Variants in RALYL observed in about 807,000 individuals in gnomAD.
RALYL encodes RALY RNA binding protein like, also known as RNA-binding Raly-like protein.
RALYL carries 29 observed loss-of-function variants against 35.1 expected under a neutral mutation model. The ratio of observed to expected loss-of-function variants is 0.83; its 90% CI spans 0.61 to 1.13. RALYL has a LOEUF of 1.13. Among genes scored for constraint, RALYL ranks in the 50% most tolerant of loss-of-function variants. RALYL has a pLI of 0.00. For missense variants in RALYL, 359 were observed against 360.4 expected (o/e 1.00, Z 0.03); for synonymous variants, 120 against 127.6 (o/e 0.94, Z 0.40).
At chr8:84,432,572 T>C (rs558895485) in intron 1 of RALYL, among the ~76,000 whole-genome samples, 1 of 152,236 alleles carries the variant, frequency 6.6e-6, no homozygotes, top group South Asian at 2.1e-4. Context: ...CCCAGAATGA[T>C]ATGTTGCAGC....
At chr8:84,764,181 C>T (rs183642774) in intron 2 of RALYL, among the ~76,000 whole-genome samples, 11 of 152,274 alleles carry the variant, frequency 7.2e-5, no homozygotes, top group Admixed American at 6.5e-4. Context: ...CAGTGTACTG[C>T]CATGTTCCCA....
chr8:84,765,967 C>T (rs1158120338), intron 2 of RALYL, among the ~76,000 whole-genome samples: 3 of 152,008 alleles, frequency 2.0e-5, no homozygotes, highest in African/African-American at 2.4e-5. Context: ...AAATTAGATA[C>T]CATTTCCATA....
chr8:84,573,662 C>G (rs1383558690), intron 2 of RALYL, among the ~76,000 whole-genome samples: 3 of 151,774 alleles, frequency 2.0e-5, no homozygotes, highest in African/African-American at 7.2e-5. Flanking sequence ...GTATGTTTAA[C>G]ATCTTGATAT....
At chr8:84,730,261 T>A (rs1845892861) in intron 2 of RALYL, among the ~76,000 whole-genome samples, 1 of 152,056 alleles carries the variant, frequency 6.6e-6, no homozygotes, top group South Asian at 2.1e-4. Flanking sequence ...ATCCAGCATA[T>A]AAATAGAACC....
chr8:84,372,127 G>C (rs1318972015), intron 1 of RALYL, among the ~76,000 whole-genome samples: 1 of 152,072 alleles, frequency 6.6e-6, no homozygotes, highest in Non-Finnish European at 1.5e-5. Flanking sequence ...AAGAAAGAGG[G>C]ATAAATGTTA....
At chr8:84,543,904 A>G (rs1354812337) in intron 2 of RALYL, among the ~76,000 whole-genome samples, 1 of 152,110 alleles carries the variant, frequency 6.6e-6, no homozygotes, top group East Asian at 1.9e-4. Context: ...TTACAGTGAC[A>G]TCGATCAGCA....
At chr8:84,727,667 C>T (rs1254406803) in intron 2 of RALYL, among the ~76,000 whole-genome samples, 2 of 145,780 alleles carry the variant, frequency 1.4e-5, no homozygotes, top group Non-Finnish European at 3.0e-5. Flanking sequence ...GTTCCCCTTC[C>T]TGTGTCCATG....
chr8:84,897,721 T>G (rs1463074559), intron 8 of RALYL, among the ~76,000 whole-genome samples: 2 of 152,212 alleles, frequency 1.3e-5, no homozygotes, highest in East Asian at 3.8e-4. Context: ...CCCAGACACT[T>G]ATTCATTAAA....
intron 2 of RALYL, among the ~76,000 whole-genome samples, chr8:84,733,706 C>T (rs896467294): frequency 1.3e-5 from 2 of 152,114 alleles, no homozygotes; most frequent in African/African-American, 4.8e-5. Context: ...GTAATAATAA[C>T]AGGATTTACA....
At chr8:84,647,053 T>C (rs1827647603) in intron 2 of RALYL, among the ~76,000 whole-genome samples, 1 of 152,126 alleles carries the variant, frequency 6.6e-6, no homozygotes, top group East Asian at 1.9e-4. Context: ...TGGTTTTGTT[T>C]GTTCCCCTTG....
At chr8:84,211,054 G>C (rs987741073) in intron 1 of RALYL, among the ~76,000 whole-genome samples, 1 of 152,042 alleles carries the variant, frequency 6.6e-6, no homozygotes. Context: ...AATACCAACT[G>C]TGTGCAGATA....
intron 2 of RALYL, among the ~76,000 whole-genome samples, chr8:84,672,875 C>A (rs996764056): frequency 1.3e-5 from 2 of 152,118 alleles, no homozygotes; most frequent in Non-Finnish European, 2.9e-5. Context: ...CACAACCAAA[C>A]CATATCAACC....
At chr8:84,802,071 A>G (rs1386100344) in intron 3 of RALYL, among the ~76,000 whole-genome samples, 1 of 152,176 alleles carries the variant, frequency 6.6e-6, no homozygotes, top group Non-Finnish European at 1.5e-5. Context: ...CACATAGCAA[A>G]TATTTTAGGA....
Position 84,774,622 on chromosome 8 carries a change from T to C in RALYL, c.300T>C (p.Pro100=). The C allele has an allele frequency of 6.2e-7, 1 of 1,609,580 alleles. No individual in the cohort carries two copies. Among genetic ancestry groups the C allele is most frequent in the Non-Finnish European group, 8.5e-7 (1 of 1,177,642 alleles). ...AGCCCAAACCATACAGACCAAAACC[T>C]GGAAACAAGAGGCCCCTTTCTGCAC... ...AGEPKPYRPK[P]GNKRPLSALY... is the part of the protein sequence containing the mutation. Residue 100 remains proline (P), a synonymous_variant, in exon 3 of 9, where the codon CCT becomes CCC. Coordinates refer to ENST00000521268, the MANE Select transcript of RALYL (RefSeq NM_173848.7).
intron 1 of RALYL, among the ~76,000 whole-genome samples, chr8:84,390,828 C>G (rs192732613): frequency 1.3e-5 from 2 of 151,858 alleles, no homozygotes; most frequent in African/African-American, 2.4e-5. Context: ...GTAGTTCCTC[C>G]CAGTCCACTG....
intron 3 of RALYL, among the ~76,000 whole-genome samples, chr8:84,792,241 G>T (rs1034029471): frequency 1.3e-5 from 2 of 152,210 alleles, no homozygotes; most frequent in African/African-American, 4.8e-5. Flanking sequence ...TGAATGCGGG[G>T]TTTTGTTGAG....
intron 1 of RALYL, among the ~76,000 whole-genome samples, chr8:84,307,592 T>C (rs1056925383): frequency 2.0e-5 from 3 of 152,192 alleles, no homozygotes; most frequent in African/African-American, 7.2e-5. Flanking sequence ...TTCTGAAATT[T>C]ACTCAAGGCC....
chr8:84,391,635 T>C (rs1194136542), intron 1 of RALYL, among the ~76,000 whole-genome samples: 5 of 152,018 alleles, frequency 3.3e-5, no homozygotes, highest in Non-Finnish European at 7.4e-5. Flanking sequence ...AGATACAGCA[T>C]AAAATTGGGT....
At chr8:84,907,057 C>A in intron 8 of RALYL, 1 of 727,906 alleles carries the variant, frequency 1.4e-6, no homozygotes, top group Non-Finnish European at 1.7e-6. Context: ...ATAAGTATCC[C>A]GGAAACCTTA....
Sources: allele counts gnomAD v4.1 joint callset (sites outside exome capture counted in the v4.1 genomes callset), GRCh38; gene constraint gnomAD v4.1.1; transcripts MANE v1.5; gene names NCBI Gene and HGNC (gene_info 2026-07-23, HGNC 2026-07-21).